KCNIP4: variants seen among roughly 807,000 people sequenced by gnomAD.
KCNIP4 encodes potassium voltage-gated channel interacting protein 4.
In KCNIP4, 12 loss-of-function variants were observed where a neutral mutation model predicts 34.0. That is an observed-to-expected ratio of 0.35 (90% CI 0.23 to 0.57). KCNIP4 has a LOEUF of 0.57. KCNIP4 is among the 20% of genes least tolerant of loss of function. The pLI is 0.83. For synonymous variants in KCNIP4, 124 were observed against 102.2 expected, an observed-to-expected ratio of 1.21 and a Z score of -1.29; for missense variants, 238 against 311.7, an observed-to-expected ratio of 0.76 and a Z score of 1.78.
intron 1 of KCNIP4, among the ~76,000 whole-genome samples, chr4:21,530,573 T>C (rs1055619996): frequency 3.3e-5 from 5 of 152,218 alleles, no homozygotes; most frequent in African/African-American, 9.7e-5. Context: ...AATATATTAA[T>C]GCACAAGGAA....
chr4:21,320,074 G>A (rs1714208966), intron 1 of KCNIP4, among the ~76,000 whole-genome samples: 1 of 152,164 alleles, frequency 6.6e-6, no homozygotes, highest in South Asian at 2.1e-4. Context: ...TAGAGCATTT[G>A]GAGAGAAAAG....
intron 1 of KCNIP4, among the ~76,000 whole-genome samples, chr4:21,005,944 A>G (rs1406259405): frequency 6.6e-6 from 1 of 152,180 alleles, no homozygotes; most frequent in Non-Finnish European, 1.5e-5. Context: ...TGGTTGATCT[A>G]CTCATTAAAA....
chr4:21,467,104 A>G (rs28602893), intron 1 of KCNIP4, among the ~76,000 whole-genome samples: 40,245 of 149,024 alleles, frequency 0.27, 5,886 homozygotes, highest in African/African-American at 0.38. Context: ...ACACACACAC[A>G]CACACACACA....
At chr4:21,492,224 A>G (rs897681170) in intron 1 of KCNIP4, among the ~76,000 whole-genome samples, 4 of 151,758 alleles carry the variant, frequency 2.6e-5, no homozygotes, top group Non-Finnish European at 5.9e-5. Context: ...ATATACATAT[A>G]CTTTTTTGTT....
chr4:21,252,779 T>C lies in KCNIP4; in HGVS notation c.62-370070A>G, dbSNP rs558960216. Among the ~76,000 whole-genome samples, 162 of 144,060 alleles carry C rather than the reference T, an allele frequency of 1.1e-3. 1 individual carries two copies. Among genetic ancestry groups the C allele is most frequent in the African/African-American group, 3.9e-3 (153 of 39,090 alleles). The allele number at this position is 144,060 out of a possible 152,430, so 94.5% of individuals were successfully genotyped here. A position where few individuals can be genotyped will look rare whatever the true frequency, so the allele number is the denominator to read the frequency against. ...CTCTTTTTTTTTTTTTTTTTTGTCG[T>C]AAGTATTACATGCTAACCTTGTAAT... On this transcript the variant is annotated intron_variant, in intron 1 of 8. Transcript: ENST00000382152.
chr4:21,177,603 GCAGGTTA>G (rs1454089698), intron 1 of KCNIP4, among the ~76,000 whole-genome samples: 1 of 152,018 alleles, frequency 6.6e-6, no homozygotes, highest in Non-Finnish European at 1.5e-5. Flanking sequence ...GCCGAGGCAG[GCAGGTTA>G]CCTGAGGTCA....
At chr4:20,898,581 C>T (rs1233689225) in intron 1 of KCNIP4, among the ~76,000 whole-genome samples, 2 of 152,126 alleles carry the variant, frequency 1.3e-5, no homozygotes, top group Non-Finnish European at 2.9e-5. Context: ...ATGTTTATTG[C>T]CTGCCTCTCT....
At chr4:21,303,930 C>T in intron 1 of KCNIP4, 6 of 1,613,044 alleles carry the variant, frequency 3.7e-6, no homozygotes, top group Non-Finnish European at 5.1e-6. Context: ...ATGGTCCGAC[C>T]ACAGCCACTG....
chr4:21,317,167 T>A (rs766460734), intron 1 of KCNIP4, among the ~76,000 whole-genome samples: 20 of 152,118 alleles, frequency 1.3e-4, no homozygotes, highest in Non-Finnish European at 2.6e-4. Flanking sequence ...TGGTATGGAG[T>A]ATCAAGTATT....
rs904161163 is a variant in KCNIP4, at chr4:21,762,867, C to A, written c.61+185704G>T. The stretch of plus-strand genomic sequence containing the variant: ...TAAGTGTGAGAAAGGAAAGGAGAAT[C>A]CCAGAAGATTGGGAGGGGGGTGTAG... On this transcript the variant is annotated intron_variant, in intron 1 of 8. Coordinates refer to ENST00000382152, the MANE Select transcript of KCNIP4 (RefSeq NM_025221.6). 97 of 1,130,388 alleles carry A rather than the reference C, an allele frequency of 8.6e-5. 1 individual carries two copies. The Middle Eastern group carries it at 2.0e-3, about 23-fold the overall frequency. The allele number at this position is 1,130,388 out of a possible 1,614,324, so 70.0% of individuals were successfully genotyped here.
chr4:20,873,762 C>G (rs1017085877), intron 2 of KCNIP4, among the ~76,000 whole-genome samples: 1 of 152,198 alleles, frequency 6.6e-6, no homozygotes, highest in Non-Finnish European at 1.5e-5. Flanking sequence ...TTAAAATCCC[C>G]ATTGCCTCTC....
intron 1 of KCNIP4, among the ~76,000 whole-genome samples, chr4:21,071,764 G>T (rs530463747): frequency 6.6e-6 from 1 of 152,066 alleles, no homozygotes; most frequent in Non-Finnish European, 1.5e-5. Flanking sequence ...TTTACATTGG[G>T]TATATCTCCT....
At chr4:21,779,560 G>A (rs1719439109) in intron 1 of KCNIP4, among the ~76,000 whole-genome samples, 1 of 151,974 alleles carries the variant, frequency 6.6e-6, no homozygotes. Flanking sequence ...CTTTTTATTT[G>A]TCAATTATAC....
At chr4:21,403,986 C>T (rs1191546324) in intron 1 of KCNIP4, among the ~76,000 whole-genome samples, 2 of 152,188 alleles carry the variant, frequency 1.3e-5, no homozygotes, top group African/African-American at 4.8e-5. Context: ...GATTAGGTTC[C>T]AACCTTAGAA....
At chr4:21,656,460 T>TTTTA (rs561680665) in intron 1 of KCNIP4, 119 of 152,310 alleles carry the variant, frequency 7.8e-4, no homozygotes, top group African/African-American at 2.6e-3. Flanking sequence ...TAACAGTCTC[T>TTTTA]TTTATTTATT....
rs562455428 is a variant in KCNIP4, at chr4:21,425,071, G to A, written c.61+523500C>T. Among the ~76,000 whole-genome samples the A allele has an allele frequency of 2.6e-5, 4 of 152,296 alleles. No homozygotes were observed. The South Asian group carries it at 8.3e-4, about 32-fold the overall frequency. On this transcript the variant is annotated intron_variant, in intron 1 of 8. Coordinates refer to ENST00000382152, the MANE Select transcript of KCNIP4 (RefSeq NM_025221.6). The stretch of plus-strand genomic sequence containing the variant: ...ATGGGGGAAGGGACATTGGAGAGGA[G>A]AGGAGAAATGAGCACTCGGGAGAGA...
intron 1 of KCNIP4, among the ~76,000 whole-genome samples, chr4:21,342,896 T>C (rs1716902931): frequency 6.6e-6 from 1 of 152,074 alleles, no homozygotes; most frequent in African/African-American, 2.4e-5. Flanking sequence ...GGGGCAGTAG[T>C]CTAGGTGAAG....
chr4:21,897,362 C>T (rs1356290673), intron 1 of KCNIP4, among the ~76,000 whole-genome samples: 1 of 152,102 alleles, frequency 6.6e-6, no homozygotes, highest in Non-Finnish European at 1.5e-5. Context: ...ACTTAATTGG[C>T]CATGAGATCT....
chr4:20,891,244 A>G (rs919721875), intron 1 of KCNIP4, among the ~76,000 whole-genome samples: 1 of 152,116 alleles, frequency 6.6e-6, no homozygotes, highest in Admixed American at 6.6e-5. Context: ...AAGCCTGTAG[A>G]AGTCTGGTGG....
Sources: gnomAD v4.1 joint callset for allele counts (sites outside exome capture counted in the v4.1 genomes callset) on GRCh38, gnomAD v4.1.1 for gene constraint, MANE v1.5 for transcripts, NCBI Gene and HGNC (gene_info 2026-07-23, HGNC 2026-07-21) for gene names.